The following RGS6 variants were observed in gnomAD, a reference collection of about 807,000 sequenced individuals.
RGS6 encodes regulator of G protein signaling 6, also known as regulator of G-protein signaling 6.
A neutral mutation model predicts 78.5 loss-of-function variants in RGS6; 30 were observed. The ratio of observed to expected loss-of-function variants is 0.38; its 90% CI spans 0.29 to 0.52. The LOEUF (loss-of-function observed/expected upper bound fraction) is 0.52. Among genes scored for constraint, RGS6 ranks in the 20% least tolerant of loss-of-function variants. The pLI is 0.85. For missense variants in RGS6, 495 were observed against 609.7 expected, an observed-to-expected ratio of 0.81 and a Z score of 1.98; for synonymous variants, 206 against 206.0, an observed-to-expected ratio of 1.00 and a Z score of 0.00.
At chr14:72,530,830 A>C (rs2097172976) in intron 15 of RGS6, among the ~76,000 whole-genome samples, 1 of 152,252 alleles carries the variant, frequency 6.6e-6, no homozygotes, top group Non-Finnish European at 1.5e-5. Context: ...TGTAATCCTC[A>C]TTCTCCTTCT....
intron 3 of RGS6, among the ~76,000 whole-genome samples, chr14:72,402,654 G>A (rs2092542052): frequency 6.6e-6 from 1 of 152,108 alleles, no homozygotes; most frequent in African/African-American, 2.4e-5. Flanking sequence ...GTGTTGGTAG[G>A]AACGTAAGTT....
chr14:72,493,776 A>G (rs1316648528), intron 12 of RGS6, among the ~76,000 whole-genome samples: 5 of 152,136 alleles, frequency 3.3e-5, no homozygotes, highest in African/African-American at 1.2e-4. Flanking sequence ...CAGAAAAAAA[A>G]AAACATGGAG....
the RGS6 span, among the ~76,000 whole-genome samples, chr14:71,886,161 G>A: frequency 5.3e-5 from 8 of 152,138 alleles, no homozygotes; most frequent in Non-Finnish European, 1.0e-4. Flanking sequence ...AGTGATTAAG[G>A]TTGAGGCCTG....
intron 2 of RGS6, among the ~76,000 whole-genome samples, chr14:71,967,496 A>G (rs902148838): frequency 6.6e-6 from 1 of 152,208 alleles, no homozygotes; most frequent in Non-Finnish European, 1.5e-5. Context: ...TGTGAAGCCA[A>G]TGACAATTCA....
intron 2 of RGS6, among the ~76,000 whole-genome samples, chr14:72,309,217 C>G (rs116887276): frequency 5.4e-4 from 82 of 152,302 alleles, no homozygotes; most frequent in Non-Finnish European, 9.4e-4. Flanking sequence ...TCCCCAGCAC[C>G]CTCAGAGGTC....
the RGS6 span, among the ~76,000 whole-genome samples, chr14:71,916,695 C>T: frequency 6.6e-5 from 10 of 152,194 alleles, 1 homozygote; most frequent in African/African-American, 2.4e-4. Context: ...AGGGCAAGCA[C>T]CCCCGGGGTA....
intron 15 of RGS6, among the ~76,000 whole-genome samples, chr14:72,520,572 A>G (rs564376019): frequency 2.1e-4 from 32 of 152,354 alleles, no homozygotes; most frequent in African/African-American, 7.5e-4. Flanking sequence ...ATTAGCTGGA[A>G]TACTTTCATA....
intron 2 of RGS6, among the ~76,000 whole-genome samples, chr14:72,169,376 G>A (rs1185608826): frequency 6.6e-6 from 1 of 152,210 alleles, no homozygotes; most frequent in African/African-American, 2.4e-5. Flanking sequence ...TCTAGAGAAG[G>A]AAACTTTTAG....
chr14:72,454,448 T>C (rs1046711059), intron 3 of RGS6, 80 bp from the exon 4 acceptor site: 4 of 1,408,120 alleles, frequency 2.8e-6, no homozygotes, highest in Non-Finnish European at 4.0e-6. Context: ...GAATTAGGAT[T>C]CTCTTAGGTA....
chr14:71,885,167 G>A, the RGS6 span, among the ~76,000 whole-genome samples: 2 of 152,108 alleles, frequency 1.3e-5, no homozygotes, highest in South Asian at 4.1e-4. Flanking sequence ...AAAGAGACAA[G>A]GGTATTTAAA....
intron 2 of RGS6, among the ~76,000 whole-genome samples, chr14:72,056,230 G>A (rs2093613049): frequency 6.6e-6 from 1 of 152,198 alleles, no homozygotes; most frequent in South Asian, 2.1e-4. Flanking sequence ...CCTGCGCCGT[G>A]TCACAGAGCT....
At chr14:72,181,000 A>G (rs1025066337) in intron 2 of RGS6, among the ~76,000 whole-genome samples, 2 of 152,170 alleles carry the variant, frequency 1.3e-5, no homozygotes, top group African/African-American at 2.4e-5. Context: ...GAAAGCTCTT[A>G]TATTATAACT....
intron 14 of RGS6, among the ~76,000 whole-genome samples, chr14:72,517,457 G>C (rs2096964308): frequency 6.6e-6 from 1 of 150,968 alleles, no homozygotes; most frequent in African/African-American, 2.4e-5. Flanking sequence ...GGCTGCTGCT[G>C]CTCTCAGCAG....
At chr14:72,196,648 T>C (rs987075064) in intron 2 of RGS6, among the ~76,000 whole-genome samples, 4 of 152,244 alleles carry the variant, frequency 2.6e-5, no homozygotes, top group African/African-American at 9.6e-5. Flanking sequence ...TCCTTCTCTC[T>C]GGTGGTGTTT....
intron 2 of RGS6, among the ~76,000 whole-genome samples, chr14:72,161,491 G>A (rs576805974): frequency 3.0e-4 from 45 of 152,262 alleles, no homozygotes; most frequent in East Asian, 9.7e-4. Context: ...GAATCTGTGC[G>A]AATCTCCTTC....
intron 2 of RGS6, among the ~76,000 whole-genome samples, chr14:72,174,118 T>G (rs564633265): frequency 0.21 from 2,195 of 10,452 alleles, 26 homozygotes; most frequent in Non-Finnish European, 0.33. Context: ...ATTGGATTCT[T>G]TTTTTTTGAG....
At chr14:71,894,167 G>C in the RGS6 span, among the ~76,000 whole-genome samples, 1 of 152,110 alleles carries the variant, frequency 6.6e-6, no homozygotes, top group Admixed American at 6.5e-5. Context: ...TCCATTTTGA[G>C]TGAGGGCTAG....
intron 2 of RGS6, among the ~76,000 whole-genome samples, chr14:72,238,479 C>G (rs1031250261): frequency 1.4e-4 from 21 of 152,192 alleles, no homozygotes; most frequent in African/African-American, 5.1e-4. Flanking sequence ...CTCCCTTCCC[C>G]CCAAGCATTG....
At chr14:72,247,347 C>T (rs928040625) in intron 2 of RGS6, among the ~76,000 whole-genome samples, 1 of 152,124 alleles carries the variant, frequency 6.6e-6, no homozygotes, top group Non-Finnish European at 1.5e-5. Context: ...TCTGTAGAAA[C>T]CAGCTCAAAT....
Sources: allele counts gnomAD v4.1 joint callset (sites outside exome capture counted in the v4.1 genomes callset), GRCh38; gene constraint gnomAD v4.1.1; transcripts MANE v1.5; gene names NCBI Gene and HGNC (gene_info 2026-07-23, HGNC 2026-07-21).